The following PSD3 variants were observed in gnomAD, a reference collection of about 807,000 sequenced individuals.
PSD3 encodes the protein pleckstrin and Sec7 domain containing 3.
PSD3 carries 49 observed loss-of-function variants against 105.5 expected under a neutral mutation model. The ratio of observed to expected loss-of-function variants is 0.46; its 90% CI spans 0.37 to 0.59. The LOEUF (loss-of-function observed/expected upper bound fraction) is 0.59. Ranked by LOEUF, PSD3 falls within the 20% of genes least tolerant of loss-of-function variation. The probability of loss-of-function intolerance (pLI) is 0.00; values close to 1 mark genes in which losing one functional copy is unlikely to be tolerated. For missense variants in PSD3, 1,561 were observed against 1,263.8 expected (o/e 1.24, Z -3.57); for synonymous variants, 557 against 457.8 (o/e 1.22, Z -2.77).
At chr8:18,721,428 T>G (rs780807870) in intron 9 of PSD3, among the ~76,000 whole-genome samples, 11 of 152,194 alleles carry the variant, frequency 7.2e-5, no homozygotes, top group Non-Finnish European at 1.3e-4. Context: ...GACCAGGAAC[T>G]GCTGTATTTA....
intron 14 of PSD3, among the ~76,000 whole-genome samples, chr8:18,569,172 T>A (rs1391475525): frequency 7.5e-6 from 1 of 133,046 alleles, no homozygotes; most frequent in East Asian, 2.2e-4. Flanking sequence ...AACATACGTG[T>A]GCATGTGTCT....
At chr8:19,055,663 G>GT (rs1193069485) in intron 1 of PSD3, among the ~76,000 whole-genome samples, 5 of 152,224 alleles carry the variant, frequency 3.3e-5, no homozygotes, top group African/African-American at 1.2e-4. Flanking sequence ...TTTAGAAAGG[G>GT]TAAGTATAGT....
chr8:18,961,067 G>C (rs116082491), intron 1 of PSD3, among the ~76,000 whole-genome samples: 1 of 152,046 alleles, frequency 6.6e-6, no homozygotes, highest in Non-Finnish European at 1.5e-5. Context: ...CCTCCAGCCT[G>C]GGTGACAGAG....
upstream of PSD3, among the ~76,000 whole-genome samples, chr8:19,016,307 C>CT (rs1241528332): frequency 1.3e-5 from 2 of 152,064 alleles, no homozygotes; most frequent in Non-Finnish European, 2.9e-5. Context: ...CCCATGAGCC[C>CT]TAATGTATGT....
intron 14 of PSD3, among the ~76,000 whole-genome samples, chr8:18,558,760 G>A (rs1251621047): frequency 3.9e-5 from 6 of 152,210 alleles, no homozygotes; most frequent in Admixed American, 3.9e-4. Context: ...GATGGAGGCT[G>A]CAGTGAGTCG....
At chr8:18,608,347 G>A (rs972126058) in intron 11 of PSD3, among the ~76,000 whole-genome samples, 3 of 152,220 alleles carry the variant, frequency 2.0e-5, no homozygotes, top group Non-Finnish European at 4.4e-5. Context: ...CTGAGTATCA[G>A]CTCTGGCTTG....
intron 1 of PSD3, among the ~76,000 whole-genome samples, chr8:19,060,395 C>A (rs1212712443): frequency 6.6e-6 from 1 of 152,136 alleles, no homozygotes; most frequent in Non-Finnish European, 1.5e-5. Flanking sequence ...CCACAGAGGT[C>A]TATAGATCTT....
At chr8:18,647,657 T>A (rs1218197480) in intron 10 of PSD3, among the ~76,000 whole-genome samples, 2 of 151,590 alleles carry the variant, frequency 1.3e-5, no homozygotes, top group Non-Finnish European at 2.9e-5. Context: ...TACATGATTT[T>A]TTTTTTTTTT....
rs751331850 is a variant in PSD3, at chr8:18,535,883, C to T, written c.3004G>A (p.Ala1002Thr). 6.2e-6 allele frequency: 10 copies of T among 1,614,182 alleles called. No homozygotes were observed. The South Asian group carries it at 1.1e-4, about 18-fold the overall frequency. ...KELLSNDESE[A>T]AGLKKSHSSP... ...GAGTGCGACTTCTTCAGTCCTGCAG[C>T]CTCGCTTTCATCGTTACTCAGTAGC... The change falls in exon 16 of 16, where the codon GCT becomes ACT. Residue 1002 changes from alanine (A) to threonine (T), a missense_variant. By Grantham distance (58) the Ala-to-Thr change is moderately conservative. Coordinates refer to ENST00000327040, the MANE Select transcript of PSD3 (RefSeq NM_015310.4).
At chr8:18,916,642 T>A (rs1430372845) in intron 2 of PSD3, among the ~76,000 whole-genome samples, 1 of 151,898 alleles carries the variant, frequency 6.6e-6, no homozygotes, top group African/African-American at 2.4e-5. Context: ...ATGGAATGAA[T>A]ACATTCTAGA....
intron 15 of PSD3, among the ~76,000 whole-genome samples, chr8:18,553,035 G>C (rs1800869922): frequency 6.6e-6 from 1 of 152,038 alleles, no homozygotes; most frequent in South Asian, 2.1e-4. Context: ...TAGAAAGAGA[G>C]GTAAATTTGG....
At chr8:18,895,491 C>A (rs544481124) in intron 2 of PSD3, among the ~76,000 whole-genome samples, 1 of 152,310 alleles carries the variant, frequency 6.6e-6, no homozygotes, top group Non-Finnish European at 1.5e-5. Flanking sequence ...ACAGTGCATA[C>A]AATTCGTTTT....
intron 4 of PSD3, among the ~76,000 whole-genome samples, chr8:18,845,937 T>G (rs1326386104): frequency 1.3e-5 from 2 of 152,212 alleles, no homozygotes; most frequent in Admixed American, 1.3e-4. Flanking sequence ...TTAAATGCAT[T>G]TGTAATAATC....
At chr8:18,844,686 C>A (rs1814934277) in intron 4 of PSD3, among the ~76,000 whole-genome samples, 3 of 152,156 alleles carry the variant, frequency 2.0e-5, no homozygotes, top group Non-Finnish European at 4.4e-5. Context: ...GGATTGCTTT[C>A]TCAGGGAAAA....
chr8:19,075,855 G>C (rs1054554705), intron 1 of PSD3, among the ~76,000 whole-genome samples: 4 of 152,168 alleles, frequency 2.6e-5, no homozygotes, highest in African/African-American at 9.7e-5. Context: ...GGATTATAAA[G>C]GACCCAGAGA....
At chr8:18,873,484 CATA>C (rs1403192152) in intron 2 of PSD3, among the ~76,000 whole-genome samples, 23 of 151,970 alleles carry the variant, frequency 1.5e-4, no homozygotes, top group African/African-American at 5.6e-4. Context: ...TAGTATACAA[CATA>C]ATGTTTAATA....
At chr8:18,606,425 T>C (rs979479612) in intron 11 of PSD3, among the ~76,000 whole-genome samples, 31 of 152,236 alleles carry the variant, frequency 2.0e-4, no homozygotes, top group African/African-American at 6.8e-4. Context: ...TTCCCTTTCA[T>C]TGTTACAGGC....
At chr8:18,888,473 A>G (rs1465547852) in intron 2 of PSD3, among the ~76,000 whole-genome samples, 1 of 151,658 alleles carries the variant, frequency 6.6e-6, no homozygotes, top group East Asian at 1.9e-4. Context: ...TGTGAGCCTC[A>G]ATTTCCATCT....
chr8:18,554,627 A>G (rs1461351426), intron 15 of PSD3, among the ~76,000 whole-genome samples: 4 of 152,202 alleles, frequency 2.6e-5, no homozygotes, highest in Non-Finnish European at 4.4e-5. Flanking sequence ...TAAGGCTTCT[A>G]TGAAATTGTA....
Sources: gnomAD v4.1 joint callset for allele counts (sites outside exome capture counted in the v4.1 genomes callset) on GRCh38, gnomAD v4.1.1 for gene constraint, MANE v1.5 for transcripts, NCBI Gene and HGNC (gene_info 2026-07-23, HGNC 2026-07-21) for gene names.